The following POLR1C variants were observed in gnomAD, a reference collection of about 807,000 sequenced individuals.
The protein encoded by POLR1C is RNA polymerase I and III subunit C, also known as DNA-directed RNA polymerases I and III subunit RPAC1.
A neutral mutation model predicts 38.3 loss-of-function variants in POLR1C; 42 were observed. That is an observed-to-expected ratio of 1.10 (90% CI 0.86 to 1.42). The LOEUF (loss-of-function observed/expected upper bound fraction) is 1.42. Ranked by LOEUF, POLR1C falls within the 40% of genes most tolerant of loss-of-function variation. The probability of loss-of-function intolerance (pLI) is 0.00; values close to 1 mark genes in which losing one functional copy is unlikely to be tolerated. For missense variants in POLR1C, 507 were observed against 450.5 expected (o/e 1.13, Z -1.14); for synonymous variants, 163 against 163.9 (o/e 0.99, Z 0.04).
downstream of POLR1C, chr6:43,524,998 A>T (rs1054065601): frequency 6.2e-7 from 1 of 1,608,728 alleles, no homozygotes; most frequent in Admixed American, 1.7e-5. Flanking sequence ...TTAGGGCCAC[A>T]GGGGGCCTCT....
chr6:43,537,645 G>A (rs888855587), intron 9 of POLR1C, among the ~76,000 whole-genome samples: 3 of 152,100 alleles, frequency 2.0e-5, no homozygotes, highest in South Asian at 2.1e-4. Context: ...ACATATTCAC[G>A]TGTAACAAAA....
At chr6:43,528,310 T>G in intron 8 of POLR1C, 1 of 1,204,242 alleles carries the variant, frequency 8.3e-7, no homozygotes, top group South Asian at 1.3e-5. Context: ...CAAGGATGAT[T>G]CTAGGCATCA....
At position 43,519,789 on chromosome 6, in the gene POLR1C, G is replaced by A. The variant is rs963421467; in HGVS notation, c.333G>A (p.Gly111=). Residue 111 remains glycine (G), a synonymous_variant, in exon 4 of 9, where the codon GGG becomes GGA. Coordinates refer to ENST00000642195, the MANE Select transcript of POLR1C (RefSeq NM_203290.4). ...ATGAGATTCTTGCTCACCGTCTGGG[G>A]CTCATTCCCATTCATGCTGATCCCC... The part of the protein sequence containing the change: ...VQDEILAHRL[G]LIPIHADPRL... 5 of 1,614,156 alleles carry A rather than the reference G, an allele frequency of 3.1e-6. No homozygotes were observed. The highest frequency in any genetic ancestry group is 4.2e-6 in the Non-Finnish European group (5 of 1,180,022).
intron 9 of POLR1C, chr6:43,546,845 G>C (rs1024176030): frequency 8.2e-7 from 1 of 1,214,174 alleles, no homozygotes; most frequent in African/African-American, 1.6e-5. Context: ...TGGCAAAAGT[G>C]ACACAGAGGC....
chr6:43,550,143 C>T (rs1582224693), intron 9 of POLR1C, among the ~76,000 whole-genome samples: 1 of 152,148 alleles, frequency 6.6e-6, no homozygotes, highest in East Asian at 1.9e-4. Context: ...CACAATTTTA[C>T]CATCAAAACA....
At position 43,528,350 on chromosome 6, in the gene POLR1C, A is replaced by G. The variant is rs531104870; in HGVS notation, c.923-899A>G. ...CAACTTCTGTAGACTCCACACCACA[A>G]GGTTAAAAAAAACATCTATGGTTTC... On this transcript the variant is annotated intron_variant, in intron 8 of 8. Coordinates refer to the POLR1C transcript ENST00000304004. 283 of 754,088 alleles carry G rather than the reference A, an allele frequency of 3.8e-4. 3 individuals are homozygous for G. In the South Asian group the frequency reaches 5.0e-3, roughly 13 times the overall value. 46.7% of individuals were successfully genotyped at this position (754,088 alleles called of 1,614,324 possible). A position where few individuals can be genotyped will look rare whatever the true frequency, so the allele number is the denominator to read the frequency against.
chr6:43,521,424 T>C lies in POLR1C; in HGVS notation c.*124T>C. On this transcript the variant is annotated 3_prime_UTR_variant, in exon 9 of 9. Transcript: ENST00000642195. The stretch of plus-strand genomic sequence containing the variant: ...TTTTCTGGGACAATTCCAGCTTTAA[T>C]CAATACATTTTGTTAAATGTGCCAT... 1 of 1,571,008 alleles carries C rather than the reference T, an allele frequency of 6.4e-7. No individual in the cohort carries two copies. Among genetic ancestry groups the C allele is most frequent in the Admixed American group, 1.8e-5 (1 of 55,796 alleles).
intron 9 of POLR1C, among the ~76,000 whole-genome samples, chr6:43,535,495 A>T (rs1794259257): frequency 6.6e-6 from 1 of 152,122 alleles, no homozygotes; most frequent in Non-Finnish European, 1.5e-5. Context: ...TTAAGATGCA[A>T]ACTGAAAACA....
Position 43,560,422 on chromosome 6 carries a change from C to A in POLR1C, c.*49-978C>A, listed in dbSNP as rs1762358224. ...AATAAATCTGTACAATACTTTGAAG[C>A]TGTCTCTACTGCAATTTATCAGTAA... On this transcript the variant is annotated intron_variant, in intron 10 of 10. Coordinates refer to the POLR1C transcript ENST00000607635. The A allele has an allele frequency of 5.6e-6, 7 of 1,242,986 alleles. No homozygotes were observed. In the South Asian group the frequency reaches 1.2e-4, roughly 22 times the overall value. The allele number at this position is 1,242,986 out of a possible 1,614,324, so 77.0% of individuals were successfully genotyped here. A position where few individuals can be genotyped will look rare whatever the true frequency, so the allele number is the denominator to read the frequency against.
Position 43,517,184 on chromosome 6 carries a change from C to G in POLR1C, c.69+6C>G, listed in dbSNP as rs1285469009. 2 of 1,613,870 alleles carry G rather than the reference C, an allele frequency of 1.2e-6. No individual in the cohort carries two copies. The highest frequency in any genetic ancestry group is 1.7e-6 in the Non-Finnish European group (2 of 1,179,898). Reference sequence around the variant, plus strand: ...GGGAGTTTGGGGTTCGCAATGTAAGCCTTGTGGCCTTGAGCTCGGGCGGGA... The same window carrying G: ...GGGAGTTTGGGGTTCGCAATGTAAGGCTTGTGGCCTTGAGCTCGGGCGGGA... On this transcript the variant is annotated splice_donor_region_variant and intron_variant, in intron 1 of 8. Transcript: ENST00000642195.
chr6:43,556,973 AAAC>A, intron 10 of POLR1C, among the ~76,000 whole-genome samples: 1 of 151,942 alleles, frequency 6.6e-6, no homozygotes, highest in African/African-American at 2.4e-5. Context: ...ACTAAAAATA[AAAC>A]AATTAGCTGG....
At chr6:43,561,958 T>C (rs944343873) in exon 11 of POLR1C, 14 of 249,178 alleles carry the variant, frequency 5.6e-5, no homozygotes, top group African/African-American at 2.0e-4. Flanking sequence ...ACTCAGCAGA[T>C]TGAGGTTCTG....
At chr6:43,554,390 C>T (rs561379799) in intron 10 of POLR1C, among the ~76,000 whole-genome samples, 2 of 150,566 alleles carry the variant, frequency 1.3e-5, no homozygotes, top group East Asian at 2.0e-4. Flanking sequence ...GGATTACAGG[C>T]GTGAGCCACT....
Position 43,520,125 on chromosome 6 carries a change from C to T in POLR1C, c.442C>T (p.Arg148Trp), listed in dbSNP as rs1260261086. 6.8e-6 allele frequency: 11 copies of T among 1,614,200 alleles called. No homozygotes were observed. Among genetic ancestry groups the T allele is most frequent in the East Asian group, 6.7e-5 (3 of 44,890 alleles). ...GTTTCGTCTCCAGGTCAGATGCACT[C>T]GGAACCCCCATGCTGCTAAAGATTC... ...LQFRLQVRCT[R>W]NPHAAKDSSD... Residue 148 changes from arginine (R) to tryptophan (W), a missense_variant, in exon 5 of 9, where the codon CGG becomes TGG. By Grantham distance (101) the Arg-to-Trp change is moderately radical. Transcript: ENST00000642195.
Position 43,521,060 on chromosome 6 carries a change from G to A in POLR1C, c.922+12G>A, listed in dbSNP as rs771555921. 6 of 1,606,410 alleles carry A rather than the reference G, an allele frequency of 3.7e-6. No individual in the cohort carries two copies. Among genetic ancestry groups the A allele is most frequent in the Non-Finnish European group, 8.5e-7 (1 of 1,173,114 alleles). ...AGATCATTATATCTGTGAGTATGAA[G>A]TGGTGAGATGAGTGGGCAGTGCTCT... On this transcript the variant is annotated intron_variant, in intron 8 of 8. Transcript: ENST00000642195.
intron 9 of POLR1C, chr6:43,549,647 G>T: frequency 6.5e-7 from 1 of 1,529,138 alleles, no homozygotes; most frequent in African/African-American, 1.4e-5. Flanking sequence ...ATAGACTCAT[G>T]TGAATATCTC....
chr6:43,521,133 G>C, intron 8 of POLR1C, 49 bp from the exon 9 acceptor site: 1 of 1,610,294 alleles, frequency 6.2e-7, no homozygotes, highest in Non-Finnish European at 8.5e-7. Flanking sequence ...TTATGAGTAA[G>C]TTTTACAGGC....
chr6:43,520,214 C>T (rs925937062), intron 5 of POLR1C, 29 bp downstream of exon 5: 4 of 1,613,940 alleles, frequency 2.5e-6, no homozygotes, highest in Non-Finnish European at 3.4e-6. Context: ...AGGAAGAGGC[C>T]CCACCTGTGG....
downstream of POLR1C, among the ~76,000 whole-genome samples, chr6:43,522,122 C>T (rs577385461): frequency 3.1e-4 from 47 of 152,340 alleles, no homozygotes; most frequent in African/African-American, 8.2e-4. Context: ...CCAGCAGCCA[C>T]ACACGAAAGA....
Sources: gnomAD v4.1 joint callset for allele counts (sites outside exome capture counted in the v4.1 genomes callset) on GRCh38, gnomAD v4.1.1 for gene constraint, MANE v1.5 for transcripts, NCBI Gene and HGNC (gene_info 2026-07-23, HGNC 2026-07-21) for gene names.